The following STAU1 variants were observed in gnomAD, a reference collection of about 807,000 sequenced individuals.
STAU1 encodes the protein double-stranded RNA-binding protein Staufen homolog 1.
STAU1 carries 13 observed loss-of-function variants against 62.9 expected under a neutral mutation model. That is an observed-to-expected ratio of 0.21 (90% CI 0.13 to 0.33). The LOEUF is 0.33. STAU1 is among the 10% of genes least tolerant of loss of function. The probability of loss-of-function intolerance (pLI) is 1.00; values close to 1 mark genes in which losing one functional copy is unlikely to be tolerated. For missense variants in STAU1, 571 were observed against 712.1 expected (o/e 0.80, Z 2.25); for synonymous variants, 269 against 265.1 (o/e 1.01, Z -0.14).
intron 5 of STAU1, among the ~76,000 whole-genome samples, chr20:49,148,628 G>A (rs144095991): frequency 1.8e-4 from 27 of 152,298 alleles, no homozygotes; most frequent in African/African-American, 6.0e-4. Flanking sequence ...TAGAAAAGGG[G>A]CATAGAGAAG....
chr20:49,122,935 A>G (rs1437802883), intron 8 of STAU1, among the ~76,000 whole-genome samples, 157 bp downstream of exon 8: 1 of 151,626 alleles, frequency 6.6e-6, no homozygotes, highest in Non-Finnish European at 1.5e-5. Flanking sequence ...ATAAATAAAT[A>G]AATAAATAAA....
intron 8 of STAU1, among the ~76,000 whole-genome samples, chr20:49,120,938 G>A (rs2092452021): frequency 1.3e-5 from 2 of 152,154 alleles, no homozygotes; most frequent in South Asian, 4.2e-4. Context: ...GGGATTACAG[G>A]CGTGTGCCAC....
intron 7 of STAU1, 122 bp from the exon 8 acceptor site, chr20:49,123,357 ATTT>A: frequency 8.9e-7 from 1 of 1,124,686 alleles, no homozygotes; most frequent in Non-Finnish European, 1.3e-6. Flanking sequence ...TCAGAATTCG[ATTT>A]TTTTTAATTT....
At chr20:49,122,202 A>G (rs1335721132) in intron 8 of STAU1, among the ~76,000 whole-genome samples, 1 of 152,216 alleles carries the variant, frequency 6.6e-6, no homozygotes, top group Non-Finnish European at 1.5e-5. Context: ...ATGACCACTT[A>G]GCTTTGAACT....
At chr20:49,218,310 T>C in the STAU1 span, among the ~76,000 whole-genome samples, 1 of 149,174 alleles carries the variant, frequency 6.7e-6, no homozygotes, top group Non-Finnish European at 1.5e-5. Flanking sequence ...CTGCAAGCTC[T>C]GCCTCCTGGG....
At chr20:49,179,814 T>C (rs1171181085) in intron 1 of STAU1, among the ~76,000 whole-genome samples, 3 of 152,200 alleles carry the variant, frequency 2.0e-5, no homozygotes, top group East Asian at 1.9e-4. Context: ...ATAGTGACAA[T>C]GTAAGCAGCA....
At chr20:49,134,737 T>G in intron 6 of STAU1, 1 of 1,119,008 alleles carries the variant, frequency 8.9e-7, no homozygotes, top group Non-Finnish European at 1.4e-6. Flanking sequence ...AAAAGTGCAA[T>G]TCCAAAAGTC....
In STAU1 at chr20:49,118,426, A is replaced by G. The variant is rs371114911; in HGVS notation, c.1114-18T>C. ...ATGGGTGTCTTAAAAAAGAAGAAGAAAAAAAAAAGGCCATGAGCATAAATC... is the reference window on the plus strand; with the variant it reads ...ATGGGTGTCTTAAAAAAGAAGAAGAGAAAAAAAAGGCCATGAGCATAAATC... On this transcript the variant is annotated intron_variant, in intron 9 of 13. Coordinates refer to ENST00000371856, the MANE Select transcript of STAU1 (RefSeq NM_017453.4). 137 of 1,572,396 alleles carry G rather than the reference A, an allele frequency of 8.7e-5. 1 individual carries two copies. The East Asian group carries it at 1.1e-3, about 13-fold the overall frequency.
chr20:49,203,879 G>A, the STAU1 span, among the ~76,000 whole-genome samples: 1 of 152,094 alleles, frequency 6.6e-6, no homozygotes, highest in South Asian at 2.1e-4. Flanking sequence ...TAGAGACGGG[G>A]TTTCATCATG....
chr20:49,182,882 A>C lies in STAU1; in HGVS notation c.-160+5234T>G, dbSNP rs187997124. Among the ~76,000 whole-genome samples the C allele has an allele frequency of 1.8e-3, 268 of 152,236 alleles. 3 individuals carry two copies. The highest frequency in any genetic ancestry group is 1.4e-3 in the Non-Finnish European group (96 of 68,020). Reference sequence around the variant, plus strand: ...AGTAGACGGTGTTCAGCACCATGAAACAGGGAGGCAAAAATAGAAAGTAGA... The same window carrying C: ...AGTAGACGGTGTTCAGCACCATGAACCAGGGAGGCAAAAATAGAAAGTAGA... On this transcript the variant is annotated intron_variant, in intron 1 of 13. Transcript: ENST00000371856.
At chr20:49,126,289 G>C (rs934453021) in intron 6 of STAU1, among the ~76,000 whole-genome samples, 6 of 151,718 alleles carry the variant, frequency 4.0e-5, no homozygotes, top group African/African-American at 1.5e-4. Flanking sequence ...AGGCTGGGCA[G>C]GGTGGCTCAT....
At chr20:49,193,203 C>CCCAT (rs2093833391), upstream of STAU1, among the ~76,000 whole-genome samples, 1 of 151,986 alleles carries the variant, frequency 6.6e-6, no homozygotes, top group Non-Finnish European at 1.5e-5. Context: ...ATGGTGAGAT[C>CCCAT]CCATCGTTAC....
At chr20:49,188,929 G>C (rs1351707035), upstream of STAU1, among the ~76,000 whole-genome samples, 2 of 152,034 alleles carry the variant, frequency 1.3e-5, no homozygotes, top group South Asian at 4.1e-4. Flanking sequence ...GCCCGGGCGC[G>C]TTGGCTCAGG....
chr20:49,118,728 C>T lies in STAU1; in HGVS notation c.1114-320G>A, dbSNP rs114459837. ...AACCAGAAAGAGCAGAGATGCTAGA[C>T]GGTAGAGCCCACCAAGGTGGGGAAA... On this transcript the variant is annotated intron_variant, in intron 9 of 13. Coordinates refer to ENST00000371856, the MANE Select transcript of STAU1 (RefSeq NM_017453.4). 3.5e-3 allele frequency among the ~76,000 whole-genome samples: 528 copies of T among 152,300 alleles called. 2 individuals are homozygous for T. Among genetic ancestry groups the T allele is most frequent in the African/African-American group, 0.012 (485 of 41,576 alleles).
chr20:49,204,626 G>GTGTA, the STAU1 span, among the ~76,000 whole-genome samples: 2 of 44,678 alleles, frequency 4.5e-5, no homozygotes, highest in African/African-American at 1.9e-4. Context: ...ATATATATGT[G>GTGTA]TATATATATA....
intron 13 of STAU1, among the ~76,000 whole-genome samples, chr20:49,115,199 G>A (rs1397784058): frequency 6.6e-6 from 1 of 152,014 alleles, no homozygotes; most frequent in Non-Finnish European, 1.5e-5. Context: ...GAGGCGGTGG[G>A]GAGAATAGGA....
In STAU1 at chr20:49,174,176, A is replaced by T. The variant is rs1388436718; in HGVS notation, c.-85+19T>A. ...TGATTATCAACAGGCCAGAAATTAT[A>T]AAGCCAAATTATATGTACCTTTTTT... is the stretch of plus-strand genomic sequence containing the variant. On this transcript the variant is annotated intron_variant, in intron 2 of 13. Transcript: ENST00000371856. The T allele has an allele frequency of 6.6e-6, 1 of 152,232 alleles. No homozygotes were observed. Among genetic ancestry groups the T allele is most frequent in the Non-Finnish European group, 1.5e-5 (1 of 68,036 alleles). 9.4% of individuals were successfully genotyped at this position (152,232 alleles called of 1,614,324 possible).
intron 6 of STAU1, among the ~76,000 whole-genome samples, chr20:49,132,642 C>A (rs1281967078): frequency 1.3e-5 from 2 of 152,022 alleles, no homozygotes; most frequent in Non-Finnish European, 2.9e-5. Context: ...ACCTGTAATC[C>A]CAGCTACTCA....
chr20:49,117,305 G>A lies in STAU1; in HGVS notation c.1510-57C>T. 7.5e-6 allele frequency: 12 copies of A among 1,596,918 alleles called. No homozygotes were observed. The highest frequency in any genetic ancestry group is 5.6e-5 in the South Asian group (5 of 88,706). On this transcript the variant is annotated intron_variant, in intron 11 of 13. Coordinates refer to ENST00000371856, the MANE Select transcript of STAU1 (RefSeq NM_017453.4). The surrounding 1 kb of genome is among the most constrained non-coding windows in gnomAD (Gnocchi z 4.6). ...GGGAACAGCAAGTATGAGTGGGCTG[G>A]AGGGCTGCAGCTCCAGGCCCCACAA...
Sources: allele counts gnomAD v4.1 joint callset (sites outside exome capture counted in the v4.1 genomes callset), GRCh38; gene constraint gnomAD v4.1.1; non-coding constraint Gnocchi (gnomAD v3.1); transcripts MANE v1.5; gene names NCBI Gene and HGNC (gene_info 2026-07-23, HGNC 2026-07-21).